VAMP7: variants seen among roughly 807,000 people sequenced by gnomAD.
VAMP7 encodes the protein vesicle associated membrane protein 7.
Under a neutral mutation model 29.6 loss-of-function variants are expected in VAMP7, and 14 were observed. The observed-to-expected ratio is 0.47, with a 90% CI of 0.31 to 0.74. The LOEUF is 0.74. Among genes scored for constraint, VAMP7 ranks in the 30% least tolerant of loss-of-function variants. The probability of loss-of-function intolerance (pLI) is 0.05; values close to 1 mark genes in which losing one functional copy is unlikely to be tolerated. For synonymous variants in VAMP7, 95 were observed against 88.1 expected (o/e 1.08, Z -0.44); for missense variants, 223 against 262.4 (o/e 0.85, Z 1.04).
intron 2 of VAMP7, among the ~76,000 whole-genome samples, chrX:155,889,976 C>T (rs1413200805): frequency 1.3e-5 from 2 of 151,984 alleles, no homozygotes; most frequent in Non-Finnish European, 2.9e-5. Flanking sequence ...AGGCACTTTG[C>T]TTGGTGCTGG....
chrX:155,903,991 G>T (rs1256488211), intron 5 of VAMP7, among the ~76,000 whole-genome samples: 1 of 151,980 alleles, frequency 6.6e-6, no homozygotes, highest in Non-Finnish European at 1.5e-5. Context: ...TTAAGAAAAT[G>T]TGGCACATAT....
At chrX:155,891,985 G>A (rs1280784228) in intron 2 of VAMP7, among the ~76,000 whole-genome samples, 1 of 152,182 alleles carries the variant, frequency 6.6e-6, no homozygotes, top group Non-Finnish European at 1.5e-5. Flanking sequence ...GAAAGCACAT[G>A]TAGTCGTCCT....
chrX:155,918,152 C>G, intron 5 of VAMP7, among the ~76,000 whole-genome samples: 1 of 152,222 alleles, frequency 6.6e-6, no homozygotes, highest in East Asian at 1.9e-4. Context: ...GCAGACGCCC[C>G]TCCCTCCACC....
At chrX:155,908,220 G>T (rs1257852580) in intron 5 of VAMP7, among the ~76,000 whole-genome samples, 1 of 152,206 alleles carries the variant, frequency 6.6e-6, no homozygotes, top group Non-Finnish European at 1.5e-5. Context: ...CTGGGAGGTG[G>T]AGGTTGCAGC....
At chrX:155,915,109 G>C (rs1311542851) in intron 5 of VAMP7, among the ~76,000 whole-genome samples, 1 of 152,098 alleles carries the variant, frequency 6.6e-6, no homozygotes, top group Admixed American at 6.6e-5. Context: ...ATGTGTCCAG[G>C]AATTTATCCA....
At chrX:155,919,335 T>A (rs1184981629) in intron 5 of VAMP7, among the ~76,000 whole-genome samples, 1 of 152,232 alleles carries the variant, frequency 6.6e-6, no homozygotes, top group Non-Finnish European at 1.5e-5. Context: ...GTAGGTTGCA[T>A]GTGTCCTGGG....
At chrX:155,911,463 G>A (rs192288912) in intron 5 of VAMP7, among the ~76,000 whole-genome samples, 222 of 152,064 alleles carry the variant, frequency 1.5e-3, no homozygotes, top group Non-Finnish European at 2.4e-3. Flanking sequence ...ACTAATTTTA[G>A]GATTGTTTTT....
intron 5 of VAMP7, among the ~76,000 whole-genome samples, chrX:155,919,282 A>G (rs1746611099): frequency 6.6e-6 from 1 of 152,062 alleles, no homozygotes; most frequent in Admixed American, 6.5e-5. Flanking sequence ...ATTACTCATT[A>G]CTGGCTTGTT....
At chrX:155,922,466 A>G (rs73638055) in intron 6 of VAMP7, among the ~76,000 whole-genome samples, 41 of 152,056 alleles carry the variant, frequency 2.7e-4, no homozygotes, top group African/African-American at 9.6e-4. Flanking sequence ...CTTTTTCTCC[A>G]TTTATTGAGA....
At chrX:155,900,417 A>G in intron 4 of VAMP7, 80 bp from the exon 5 acceptor site, 3 of 1,095,064 alleles carry the variant, frequency 2.7e-6, no homozygotes, top group Non-Finnish European at 4.0e-6. Context: ...TCCTCAGTGT[A>G]AATTGTCATT....
intron 6 of VAMP7, among the ~76,000 whole-genome samples, chrX:155,930,115 G>A (rs189203552): frequency 1.8e-3 from 274 of 152,258 alleles, no homozygotes; most frequent in Admixed American, 3.9e-3. Context: ...GTGACAAAAT[G>A]TGCAGAGCAT....
intron 6 of VAMP7, among the ~76,000 whole-genome samples, chrX:155,938,730 C>T (rs1309864334): frequency 1.3e-5 from 2 of 152,102 alleles, no homozygotes; most frequent in South Asian, 2.1e-4. Flanking sequence ...GTGGGAGGAT[C>T]GTTTGAGCCC....
intron 7 of VAMP7, among the ~76,000 whole-genome samples, chrX:155,941,338 C>G (rs1451917489): frequency 1.3e-5 from 2 of 152,064 alleles, no homozygotes; most frequent in Non-Finnish European, 2.9e-5. Flanking sequence ...TTACTTACAT[C>G]ATCTGCTTTT....
chrX:155,900,415 G>A (rs2066045313), intron 4 of VAMP7, 82 bp from the exon 5 acceptor site: 1 of 1,074,122 alleles, frequency 9.3e-7, no homozygotes. Context: ...ATTCCTCAGT[G>A]TAAATTGTCA....
intron 6 of VAMP7, among the ~76,000 whole-genome samples, chrX:155,933,774 T>A (rs753362971): frequency 1.3e-5 from 2 of 152,326 alleles, no homozygotes; most frequent in African/African-American, 4.8e-5. Context: ...TTCCTCTAGT[T>A]CTTTTAATTG....
At chrX:155,901,655 T>C (rs1399288879) in intron 5 of VAMP7, among the ~76,000 whole-genome samples, 3 of 152,034 alleles carry the variant, frequency 2.0e-5, no homozygotes, top group Non-Finnish European at 4.4e-5. Flanking sequence ...TTGTTTTTCT[T>C]AGGTTTGTCA....
chrX:155,892,783 G>T (rs146187436), intron 2 of VAMP7, among the ~76,000 whole-genome samples: 1 of 151,080 alleles, frequency 6.6e-6, no homozygotes, highest in East Asian at 2.0e-4. Context: ...ACGAAGTTTC[G>T]CTTTTGTTGC....
chrX:155,919,855 A>G lies in VAMP7; in HGVS notation c.476A>G (p.Asp159Gly). Residue 159 changes from aspartate to glycine, a missense_variant, in exon 6 of 8, where the codon GAC (aspartate) becomes GGC (glycine). Coordinates refer to ENST00000286448, the MANE Select transcript of VAMP7 (RefSeq NM_005638.6). ...QRGERLELLIDKTENLVDSSV... is the reference protein window; with the variant it reads ...QRGERLELLIGKTENLVDSSV... The stretch of plus-strand genomic sequence containing the variant: ...GGAGAAAGATTGGAATTATTGATTG[A>G]CAAAACAGAAAATCTTGTGGATTCT... The G allele has an allele frequency of 6.2e-7, 1 of 1,613,282 alleles. No individual in the cohort carries two copies. Among genetic ancestry groups the G allele is most frequent in the Non-Finnish European group, 8.5e-7 (1 of 1,179,568 alleles).
In VAMP7 at chrX:155,927,521, G is replaced by A. The variant is rs1436131972; in HGVS notation, c.501+7641G>A. ...AAAAAAAAAAAAATCCATGAAGTGC[G>A]ATAATGTGAAGTACAATAAAAGGGG... On this transcript the variant is annotated intron_variant, in intron 6 of 7. Transcript: ENST00000286448. Among the ~76,000 whole-genome samples the A allele has an allele frequency of 4.9e-5, 7 of 144,114 alleles. No individual in the cohort carries two copies. In the South Asian group the frequency reaches 1.1e-3, roughly 22 times the overall value. 94.5% of individuals were successfully genotyped at this position (144,114 alleles called of 152,430 possible).
Sources: allele counts gnomAD v4.1 joint callset (sites outside exome capture counted in the v4.1 genomes callset), GRCh38; gene constraint gnomAD v4.1.1; transcripts MANE v1.5; gene names NCBI Gene and HGNC (gene_info 2026-07-23, HGNC 2026-07-21).